The following MYOM1 variants were observed in gnomAD, a reference collection of about 807,000 sequenced individuals.
The protein encoded by MYOM1 is myomesin-1.
Under a neutral mutation model 205.3 loss-of-function variants are expected in MYOM1, and 164 were observed. The observed-to-expected ratio is 0.80, with a 90% CI of 0.70 to 0.91. MYOM1 has a LOEUF of 0.91. Among genes scored for constraint, MYOM1 ranks in the 40% least tolerant of loss-of-function variants. The pLI is 0.00. For missense variants in MYOM1, 2,011 were observed against 2,127.3 expected (o/e 0.95, Z 1.08); for synonymous variants, 772 against 789.4 (o/e 0.98, Z 0.37).
rs914532145 is a variant in MYOM1 at position 3,189,038 on chromosome 18, C to T, written c.481G>A (p.Glu161Lys). ...ITDTEEERIK[E>K]AAAYIAQRNL... ...CTCTGGGCTATATAAGCAGCAGCTT[C>T]TTTAATTCTTTCTTCTTCCGTATCA... is the stretch of plus-strand genomic sequence containing the variant. The change falls in exon 4 of 38, where the codon GAA becomes AAA. Residue 161 changes from glutamate (E) to lysine (K), a missense_variant. Coordinates refer to ENST00000356443, the MANE Select transcript of MYOM1 (RefSeq NM_003803.4). This position sits in a 1 kb window ranked among gnomAD's most constrained non-coding sequence, Gnocchi z 4.8. The T allele has an allele frequency of 2.0e-5, 33 of 1,613,588 alleles. No individual in the cohort carries two copies. Among genetic ancestry groups the T allele is most frequent in the Admixed American group, 5.0e-5 (3 of 59,974 alleles).
chr18:3,117,535 C>G (rs2079624363), intron 20 of MYOM1, among the ~76,000 whole-genome samples: 2 of 152,184 alleles, frequency 1.3e-5, no homozygotes, highest in African/African-American at 4.8e-5. Context: ...AGGGAGAAAG[C>G]CAAAATGTGG....
upstream of MYOM1, among the ~76,000 whole-genome samples, chr18:3,222,608 C>T (rs2081336629): frequency 6.6e-6 from 1 of 152,196 alleles, no homozygotes; most frequent in Admixed American, 6.5e-5. Context: ...AAATTATTGT[C>T]TGTTAATAAG....
chr18:3,155,692 A>T (rs927367949), intron 10 of MYOM1, among the ~76,000 whole-genome samples: 4 of 152,182 alleles, frequency 2.6e-5, no homozygotes, highest in African/African-American at 7.2e-5. Flanking sequence ...GATGCTGAAG[A>T]TTGCATTCAG....
chr18:3,098,561 G>A (rs2079336244), intron 25 of MYOM1, among the ~76,000 whole-genome samples: 1 of 151,950 alleles, frequency 6.6e-6, no homozygotes, highest in African/African-American at 2.4e-5. Context: ...ACAGGTGTGA[G>A]CCACCACACC....
chr18:3,086,496 A>G (rs1256068726), intron 29 of MYOM1, among the ~76,000 whole-genome samples: 1 of 141,328 alleles, frequency 7.1e-6, no homozygotes, highest in Non-Finnish European at 1.6e-5. Flanking sequence ...GAAAAATCCC[A>G]TCAGATTAAA....
At chr18:3,081,959 G>A (rs1346018308) in intron 33 of MYOM1, among the ~76,000 whole-genome samples, 2 of 152,312 alleles carry the variant, frequency 1.3e-5, no homozygotes, top group East Asian at 1.9e-4. Context: ...ACCAGGGACC[G>A]GTTTCATGGA....
At chr18:3,131,008 CT>C (rs2079867730) in intron 17 of MYOM1, among the ~76,000 whole-genome samples, 1 of 152,308 alleles carries the variant, frequency 6.6e-6, no homozygotes, top group Admixed American at 6.5e-5. Context: ...GACCAAATGG[CT>C]TTTAGGGACA....
intron 25 of MYOM1, among the ~76,000 whole-genome samples, chr18:3,098,247 A>G (rs2079330996): frequency 6.6e-6 from 1 of 152,146 alleles, no homozygotes; most frequent in Non-Finnish European, 1.5e-5. Context: ...CATATTTATT[A>G]TCTCTTACAG....
rs551658975 is a variant in MYOM1, at chr18:3,187,399, A to T, written c.929+81T>A. 133 of 1,454,310 alleles carry T rather than the reference A, an allele frequency of 9.1e-5. 1 individual carries two copies. In the South Asian group the frequency reaches 1.5e-3, roughly 17 times the overall value. 90.1% of individuals were successfully genotyped at this position (1,454,310 alleles called of 1,614,324 possible). On this transcript the variant is annotated intron_variant, in intron 5 of 37. Coordinates refer to ENST00000356443, the MANE Select transcript of MYOM1 (RefSeq NM_003803.4). ...TAGATGTCTTCATTGACTCTTGCAT[A>T]TGGTTGTTCTGTGTGTTTCCACTAG...
chr18:3,079,456 G>T, intron 33 of MYOM1, 114 bp from the exon 34 acceptor site: 1 of 1,163,316 alleles, frequency 8.6e-7, no homozygotes, highest in South Asian at 1.8e-5. Context: ...AAAAAACGAG[G>T]GATCTGCATA....
chr18:3,127,305 A>ATATTTTTTTTTTTT (rs56880961), intron 18 of MYOM1, among the ~76,000 whole-genome samples: 1 of 47,570 alleles, frequency 2.1e-5, no homozygotes, highest in African/African-American at 9.2e-5. Flanking sequence ...ATATATATAT[A>ATATTTTTTTTTTTT]TTTTTTTTTT....
At chr18:3,195,422 G>A (rs758536941) in intron 2 of MYOM1, among the ~76,000 whole-genome samples, 1 of 152,224 alleles carries the variant, frequency 6.6e-6, no homozygotes, top group African/African-American at 2.4e-5. Context: ...GCAGCAAAAC[G>A]ACTGCATTCT....
intron 17 of MYOM1, among the ~76,000 whole-genome samples, chr18:3,129,969 G>C (rs2079851100): frequency 6.6e-6 from 1 of 151,902 alleles, no homozygotes; most frequent in African/African-American, 2.4e-5. Flanking sequence ...CAATAGTAAT[G>C]GTCTGTACCT....
At chr18:3,181,434 T>C (rs1359985146) in intron 5 of MYOM1, among the ~76,000 whole-genome samples, 1 of 152,222 alleles carries the variant, frequency 6.6e-6, no homozygotes, top group Non-Finnish European at 1.5e-5. Flanking sequence ...TGGAAAACTG[T>C]TGTAAATTGT....
intron 19 of MYOM1, among the ~76,000 whole-genome samples, chr18:3,124,166 G>A (rs569910382): frequency 6.6e-6 from 1 of 151,356 alleles, no homozygotes; most frequent in South Asian, 2.1e-4. Flanking sequence ...AATCAGTGTG[G>A]TAGTCACCCA....
intron 36 of MYOM1, among the ~76,000 whole-genome samples, chr18:3,072,817 G>C (rs893221094): frequency 6.6e-6 from 1 of 152,090 alleles, no homozygotes; most frequent in African/African-American, 2.4e-5. Context: ...CCCTTCTGCA[G>C]CTTAGTAGGG....
intron 33 of MYOM1, among the ~76,000 whole-genome samples, chr18:3,079,666 G>T (rs886178046): frequency 6.6e-6 from 1 of 151,714 alleles, no homozygotes; most frequent in African/African-American, 2.4e-5. Flanking sequence ...TAGGACTAGG[G>T]TAATCTATAA....
chr18:3,135,545 A>G lies in MYOM1; in HGVS notation c.2209+2T>C. On this transcript the variant is annotated splice_donor_variant, in intron 15 of 37. Transcript: ENST00000356443. LOFTEE classifies it high-confidence loss of function. The surrounding 1 kb of genome is among the most constrained non-coding windows in gnomAD (Gnocchi z 4.1). Reference sequence around the variant, plus strand: ...AAGTAAAAGAAGTTTACAGTTGCTTACCAAGTTTGTCCCCTACCACAGTCA... The same window carrying G: ...AAGTAAAAGAAGTTTACAGTTGCTTGCCAAGTTTGTCCCCTACCACAGTCA... 1 of 1,611,920 alleles carries G rather than the reference A, an allele frequency of 6.2e-7. No individual in the cohort carries two copies. Among genetic ancestry groups the G allele is most frequent in the Non-Finnish European group, 8.5e-7 (1 of 1,178,592 alleles).
intron 2 of MYOM1, among the ~76,000 whole-genome samples, chr18:3,203,159 AC>A (rs1161898937): frequency 6.6e-6 from 1 of 151,456 alleles, no homozygotes; most frequent in African/African-American, 2.4e-5. Context: ...ACTTAGAGGG[AC>A]ATATATAGCT....
Sources: allele counts gnomAD v4.1 joint callset (sites outside exome capture counted in the v4.1 genomes callset), GRCh38; gene constraint gnomAD v4.1.1; non-coding constraint Gnocchi (gnomAD v3.1); transcripts MANE v1.5; gene names NCBI Gene and HGNC (gene_info 2026-07-23, HGNC 2026-07-21).